PIK3CB: variants seen among roughly 807,000 people sequenced by gnomAD.
PIK3CB encodes the protein phosphatidylinositol-4,5-bisphosphate 3-kinase catalytic subunit beta.
Under a neutral mutation model 136.8 loss-of-function variants are expected in PIK3CB, and 39 were observed. That is an observed-to-expected ratio of 0.29 (90% CI 0.22 to 0.37). PIK3CB has a LOEUF of 0.37. PIK3CB is among the 10% of genes least tolerant of loss of function. The probability of loss-of-function intolerance (pLI) is 1.00; values close to 1 mark genes in which losing one functional copy is unlikely to be tolerated. For synonymous variants in PIK3CB, 428 were observed against 436.6 expected (o/e 0.98, Z 0.25); for missense variants, 868 against 1,275.4 (o/e 0.68, Z 4.87).
intron 1 of PIK3CB, among the ~76,000 whole-genome samples, chr3:138,823,733 T>TA (rs59428119): frequency 0.035 from 5,304 of 151,970 alleles, 314 homozygotes; most frequent in African/African-American, 0.12. Context: ...TTTTTTAAAA[T>TA]AAAAAAACTA....
intron 1 of PIK3CB, among the ~76,000 whole-genome samples, chr3:138,824,316 G>C (rs561407616): frequency 3.0e-4 from 45 of 152,234 alleles, no homozygotes; most frequent in African/African-American, 1.1e-3. Context: ...TACAGGACCA[G>C]GGATGCTGTC....
At chr3:138,769,157 AG>A (rs2045770058) in intron 2 of PIK3CB, among the ~76,000 whole-genome samples, 1 of 152,180 alleles carries the variant, frequency 6.6e-6, no homozygotes, top group African/African-American at 2.4e-5. Flanking sequence ...CAGAGCATGC[AG>A]CCCCGGCCAC....
chr3:138,800,922 G>A (rs578261618), intron 1 of PIK3CB, among the ~76,000 whole-genome samples: 17 of 152,104 alleles, frequency 1.1e-4, no homozygotes, highest in East Asian at 5.8e-4. Context: ...CACCGTGCCC[G>A]GCCTATTTTT....
intron 14 of PIK3CB, among the ~76,000 whole-genome samples, chr3:138,692,856 A>C (rs573097954): frequency 4.1e-4 from 62 of 152,322 alleles, no homozygotes; most frequent in African/African-American, 1.5e-3. Context: ...TCTTCAGTGA[A>C]TCTCATAGAT....
chr3:138,654,219 G>A lies in PIK3CB; in HGVS notation c.*1170C>T, dbSNP rs1577030432. On this transcript the variant is annotated 3_prime_UTR_variant, in exon 24 of 24. Transcript: ENST00000674063. ...ATAAGCAGTAGTTTTGCTGGATGTT[G>A]CCAGGACTCAGAGAGATCACCCATT... 10 of 212,690 alleles carry A rather than the reference G, an allele frequency of 4.7e-5. No homozygotes were observed. In the East Asian group the frequency reaches 7.1e-4, roughly 15 times the overall value. The allele number at this position is 212,690 out of a possible 1,614,324, so 13.2% of individuals were successfully genotyped here. A position where few individuals can be genotyped will look rare whatever the true frequency, so the allele number is the denominator to read the frequency against.
chr3:138,683,652 T>G (rs755319385), intron 18 of PIK3CB, 26 bp downstream of exon 18: 2 of 1,145,214 alleles, frequency 1.7e-6, no homozygotes, highest in Admixed American at 1.7e-5. Context: ...TCTAAGAAAT[T>G]TGATGTTAAA....
intron 10 of PIK3CB, chr3:138,707,750 T>C: frequency 6.1e-6 from 1 of 164,540 alleles, no homozygotes; most frequent in Non-Finnish European, 1.3e-5. Flanking sequence ...TGCTCTTTAT[T>C]ATCCTGCAAC....
Position 138,688,994 on chromosome 3 carries a change from T to A in PIK3CB, c.2037-20A>T. The A allele has an allele frequency of 6.9e-7, 1 of 1,448,606 alleles. No homozygotes were observed. The highest frequency in any genetic ancestry group is 9.7e-7 in the Non-Finnish European group (1 of 1,030,990). The allele number at this position is 1,448,606 out of a possible 1,614,324, so 89.7% of individuals were successfully genotyped here. A position where few individuals can be genotyped will look rare whatever the true frequency, so the allele number is the denominator to read the frequency against. The stretch of plus-strand genomic sequence containing the variant: ...TCTGACCTGCAGAAAGTTAATGATA[T>A]CTGAACAGTTTGTTTATCAAACACT... On this transcript the variant is annotated intron_variant, in intron 15 of 23. Coordinates refer to ENST00000674063, the MANE Select transcript of PIK3CB (RefSeq NM_006219.3).
intron 12 of PIK3CB, among the ~76,000 whole-genome samples, chr3:138,700,671 G>T (rs534974824): frequency 7.3e-5 from 11 of 151,280 alleles, no homozygotes; most frequent in African/African-American, 2.7e-4. Context: ...CCGGGCAACA[G>T]AGCAAGACCC....
intron 8 of PIK3CB, among the ~76,000 whole-genome samples, chr3:138,730,183 C>T (rs1427861369): frequency 1.3e-5 from 2 of 152,116 alleles, no homozygotes; most frequent in Non-Finnish European, 2.9e-5. Context: ...TTAAATACTA[C>T]CTGTCATTAA....
intron 4 of PIK3CB, among the ~76,000 whole-genome samples, chr3:138,748,382 C>T (rs868364440): frequency 4.8e-4 from 73 of 151,940 alleles, no homozygotes; most frequent in African/African-American, 1.6e-3. Flanking sequence ...CCTTTTTTTT[C>T]ACTGTAAAGC....
intron 2 of PIK3CB, among the ~76,000 whole-genome samples, chr3:138,761,215 A>C (rs552515897): frequency 1.3e-5 from 2 of 152,354 alleles, no homozygotes; most frequent in South Asian, 4.1e-4. Context: ...CACACAAAAC[A>C]AAACTGAACT....
intron 13 of PIK3CB, among the ~76,000 whole-genome samples, 160 bp from the exon 14 acceptor site, chr3:138,695,067 A>G (rs2044106641): frequency 6.6e-6 from 1 of 152,166 alleles, no homozygotes; most frequent in African/African-American, 2.4e-5. Context: ...ACTAATAAAG[A>G]TTGTCTTTGT....
At chr3:138,662,983 C>T (rs1012032396) in intron 21 of PIK3CB, among the ~76,000 whole-genome samples, 1 of 152,168 alleles carries the variant, frequency 6.6e-6, no homozygotes, top group African/African-American at 2.4e-5. Flanking sequence ...CATTACCATT[C>T]AGGACATAGG....
intron 16 of PIK3CB, among the ~76,000 whole-genome samples, chr3:138,685,452 C>T (rs1297104479): frequency 7.0e-5 from 7 of 99,974 alleles, no homozygotes; most frequent in African/African-American, 2.8e-4. Flanking sequence ...AAATATGAAA[C>T]TTAAACTACT....
chr3:138,694,730 T>G, intron 14 of PIK3CB, 56 bp downstream of exon 14: 1 of 1,590,154 alleles, frequency 6.3e-7, no homozygotes, highest in African/African-American at 1.3e-5. Flanking sequence ...GACACCCTCA[T>G]CCCAAACCCA....
At position 138,790,450 on chromosome 3, in the gene PIK3CB, T is replaced by TA. The variant is rs113027527; in HGVS notation, c.-17+6012dup. Among the ~76,000 whole-genome samples, 392 of 134,414 alleles carry TA rather than the reference T, an allele frequency of 2.9e-3. 2 individuals carry two copies. Among genetic ancestry groups the TA allele is most frequent in the South Asian group, 0.016 (66 of 4,160 alleles). 88.2% of individuals were successfully genotyped at this position (134,414 alleles called of 152,430 possible). ...AAACAGGGCAAAACCCTGTCCTCAT[T>TA]AAAAAAAAAAAAAAGCAAAATGATA... is the stretch of plus-strand genomic sequence containing the variant. On this transcript the variant is annotated intron_variant, in intron 2 of 23. Coordinates refer to ENST00000674063, the MANE Select transcript of PIK3CB (RefSeq NM_006219.3).
chr3:138,673,971 T>C (rs182261051), intron 19 of PIK3CB, among the ~76,000 whole-genome samples: 2 of 152,280 alleles, frequency 1.3e-5, no homozygotes, highest in East Asian at 3.9e-4. Flanking sequence ...GACTCAGACC[T>C]CACCTAGCAT....
intron 8 of PIK3CB, among the ~76,000 whole-genome samples, chr3:138,720,120 C>T (rs779916284): frequency 6.6e-6 from 1 of 152,102 alleles, no homozygotes; most frequent in African/African-American, 2.4e-5. Context: ...ATGCAGGGTC[C>T]GCATGCCTGA....
Sources: allele counts gnomAD v4.1 joint callset (sites outside exome capture counted in the v4.1 genomes callset), GRCh38; gene constraint gnomAD v4.1.1; transcripts MANE v1.5; gene names NCBI Gene and HGNC (gene_info 2026-07-23, HGNC 2026-07-21).